The following FAF1 variants were observed in gnomAD, a reference collection of about 807,000 sequenced individuals.
The protein encoded by FAF1 is FAS-associated factor 1.
A neutral mutation model predicts 92.5 loss-of-function variants in FAF1; 25 were observed. The ratio of observed to expected loss-of-function variants is 0.27; its 90% CI spans 0.20 to 0.38. FAF1 has a LOEUF of 0.38. Among genes scored for constraint, FAF1 ranks in the 10% least tolerant of loss-of-function variants. The pLI, the probability that FAF1 is intolerant of heterozygous loss-of-function variation, is 1.00. For synonymous variants in FAF1, 234 were observed against 273.2 expected (o/e 0.86, Z 1.42); for missense variants, 636 against 793.3 (o/e 0.80, Z 2.38).
intron 4 of FAF1, among the ~76,000 whole-genome samples, chr1:50,766,888 C>T (rs1025659837): frequency 1.4e-4 from 21 of 149,444 alleles, no homozygotes; most frequent in African/African-American, 5.2e-4. Context: ...AGTGTAAGAA[C>T]TCTGCCAATT....
chr1:50,773,975 G>A (rs1309958666), intron 4 of FAF1, among the ~76,000 whole-genome samples: 1 of 152,128 alleles, frequency 6.6e-6, no homozygotes, highest in Admixed American at 6.5e-5. Flanking sequence ...AAAATCTGAA[G>A]CTGAATTAAA....
intron 1 of FAF1, among the ~76,000 whole-genome samples, chr1:50,879,148 G>C (rs1484174556): frequency 6.6e-6 from 1 of 152,114 alleles, no homozygotes; most frequent in Non-Finnish European, 1.5e-5. Context: ...GGGAGGCTGA[G>C]GTATGATAAT....
At chr1:50,683,306 C>G (rs530900523) in intron 7 of FAF1, among the ~76,000 whole-genome samples, 2 of 151,886 alleles carry the variant, frequency 1.3e-5, no homozygotes, top group Non-Finnish European at 2.9e-5. Context: ...GCAGGTGGAT[C>G]ACTTGAGGCC....
chr1:50,646,446 T>C lies in FAF1; in HGVS notation c.744+8996A>G, dbSNP rs192600068. On this transcript the variant is annotated intron_variant, in intron 8 of 18. Transcript: ENST00000396153. ...TCCTTTAGTTGTTTATTGCCATAGA[T>C]GTCAACTTTGTGGAGCACTGAACAA... Among the ~76,000 whole-genome samples, 44 of 152,342 alleles carry C rather than the reference T, an allele frequency of 2.9e-4. 1 individual carries two copies. The East Asian group carries it at 5.0e-3, about 17-fold the overall frequency.
intron 7 of FAF1, among the ~76,000 whole-genome samples, chr1:50,702,709 C>T (rs1657524031): frequency 6.6e-6 from 1 of 152,104 alleles, no homozygotes; most frequent in Non-Finnish European, 1.5e-5. Context: ...CTAAAGGACA[C>T]AAGTCACGCA....
intron 12 of FAF1, among the ~76,000 whole-genome samples, chr1:50,579,823 T>C (rs1182186664): frequency 6.6e-6 from 1 of 152,140 alleles, no homozygotes; most frequent in Non-Finnish European, 1.5e-5. Flanking sequence ...TACTCAAATA[T>C]AACTTGTGAT....
intron 2 of FAF1, among the ~76,000 whole-genome samples, chr1:50,822,776 T>TC (rs1644056160): frequency 7.2e-6 from 1 of 138,492 alleles, no homozygotes; most frequent in African/African-American, 2.9e-5. Context: ...CTTTCTTTCT[T>TC]TTTTTTTTTT....
intron 1 of FAF1, among the ~76,000 whole-genome samples, chr1:50,881,398 G>A (rs1644611359): frequency 6.6e-6 from 1 of 152,120 alleles, no homozygotes; most frequent in Non-Finnish European, 1.5e-5. Context: ...TGTCCTCCTG[G>A]TGAACTCATC....
chr1:50,553,042 T>C (rs1289861926), intron 13 of FAF1, among the ~76,000 whole-genome samples: 1 of 151,176 alleles, frequency 6.6e-6, no homozygotes, highest in Non-Finnish European at 1.5e-5. Flanking sequence ...ACAGAGAGAG[T>C]TTAAAGTATC....
chr1:50,666,129 C>CA (rs57489116), intron 7 of FAF1, among the ~76,000 whole-genome samples: 2,078 of 122,792 alleles, frequency 0.017, 39 homozygotes, highest in African/African-American at 0.053. Flanking sequence ...GAGCCCAGAT[C>CA]AAAAAAAAAA....
At chr1:50,768,600 G>A (rs141744516) in intron 4 of FAF1, among the ~76,000 whole-genome samples, 6 of 151,932 alleles carry the variant, frequency 3.9e-5, no homozygotes, top group Admixed American at 6.6e-5. Context: ...CTGAACCAGT[G>A]CAATAAAAAT....
chr1:50,707,933 G>T (rs771103404), intron 6 of FAF1, among the ~76,000 whole-genome samples: 1 of 152,066 alleles, frequency 6.6e-6, no homozygotes, highest in East Asian at 1.9e-4. Flanking sequence ...GACTTGCACT[G>T]TTCCAGGTGC....
At chr1:50,650,672 T>A (rs867450424) in intron 8 of FAF1, among the ~76,000 whole-genome samples, 5 of 152,210 alleles carry the variant, frequency 3.3e-5, no homozygotes, top group African/African-American at 9.7e-5. Flanking sequence ...TTTCTTTGTA[T>A]AAGCATTATT....
At chr1:50,494,689 T>A (rs1193943751) in intron 15 of FAF1, among the ~76,000 whole-genome samples, 1 of 152,224 alleles carries the variant, frequency 6.6e-6, no homozygotes, top group African/African-American at 2.4e-5. Context: ...GTCTCACTGG[T>A]CCCTACCTGA....
At chr1:50,812,442 A>C (rs779426183) in intron 2 of FAF1, among the ~76,000 whole-genome samples, 4 of 152,226 alleles carry the variant, frequency 2.6e-5, no homozygotes, top group Non-Finnish European at 5.9e-5. Context: ...TCAAAAGAAG[A>C]CATACATGCA....
At chr1:50,645,639 A>G (rs1238152239) in intron 8 of FAF1, among the ~76,000 whole-genome samples, 1 of 152,208 alleles carries the variant, frequency 6.6e-6, no homozygotes, top group Non-Finnish European at 1.5e-5. Context: ...CCTGGCCAAC[A>G]TGGTGAAACC....
At chr1:50,921,623 T>C (rs1177927190) in intron 1 of FAF1, among the ~76,000 whole-genome samples, 3 of 151,610 alleles carry the variant, frequency 2.0e-5, no homozygotes, top group African/African-American at 7.3e-5. Context: ...TTAGGAATGG[T>C]GGTGCCTAGC....
intron 18 of FAF1, among the ~76,000 whole-genome samples, chr1:50,463,293 G>T (rs1175065396): frequency 1.3e-5 from 2 of 152,078 alleles, no homozygotes; most frequent in African/African-American, 4.8e-5. Context: ...CCCTTGGAAG[G>T]TTGTGCCTGG....
chr1:50,672,333 GCC>G (rs769066049), intron 7 of FAF1, among the ~76,000 whole-genome samples: 18 of 152,098 alleles, frequency 1.2e-4, no homozygotes, highest in Non-Finnish European at 1.9e-4. Flanking sequence ...GAGCCACCGC[GCC>G]CCAGCCAGTT....
Sources: gnomAD v4.1 joint callset for allele counts (sites outside exome capture counted in the v4.1 genomes callset) on GRCh38, gnomAD v4.1.1 for gene constraint, MANE v1.5 for transcripts, NCBI Gene and HGNC (gene_info 2026-07-23, HGNC 2026-07-21) for gene names.